Variants in MARCHF1 observed in about 807,000 individuals in gnomAD.
MARCHF1 encodes membrane associated ring-CH-type finger 1.
MARCHF1 carries 40 observed loss-of-function variants against 54.2 expected under a neutral mutation model. The ratio of observed to expected loss-of-function variants is 0.74; its 90% CI spans 0.57 to 0.96. The LOEUF is 0.96. Ranked by LOEUF, MARCHF1 falls within the 40% of genes least tolerant of loss-of-function variation. MARCHF1 has a pLI of 0.00. For synonymous variants in MARCHF1, 236 were observed against 236.3 expected (o/e 1.00, Z 0.01); for missense variants, 586 against 656.5 (o/e 0.89, Z 1.17).
chr4:163,893,140 TA>T, intron 3 of MARCHF1, among the ~76,000 whole-genome samples: 1 of 149,874 alleles, frequency 6.7e-6, no homozygotes, highest in South Asian at 2.1e-4. Context: ...TTACATACTT[TA>T]AAAAAAATTT....
intron 4 of MARCHF1, among the ~76,000 whole-genome samples, chr4:163,850,337 G>A (rs760983269): frequency 2.0e-5 from 3 of 152,176 alleles, no homozygotes; most frequent in Non-Finnish European, 1.5e-5. Flanking sequence ...GTTTTGAGGG[G>A]CTTGTCCTCT....
chr4:163,720,174 G>C (rs532598276), intron 4 of MARCHF1, among the ~76,000 whole-genome samples: 20 of 152,334 alleles, frequency 1.3e-4, no homozygotes, highest in African/African-American at 3.8e-4. Flanking sequence ...TAACATTTAA[G>C]TCTTTAATCC....
chr4:163,963,020 T>C (rs1400150591), intron 3 of MARCHF1, among the ~76,000 whole-genome samples: 1 of 151,916 alleles, frequency 6.6e-6, no homozygotes, highest in East Asian at 1.9e-4. Context: ...ACTACATTTC[T>C]CTACAGAACC....
chr4:163,542,358 T>C (rs1207205496), intron 9 of MARCHF1, among the ~76,000 whole-genome samples: 1 of 152,158 alleles, frequency 6.6e-6, no homozygotes, highest in African/African-American at 2.4e-5. Context: ...GGAGATGTAG[T>C]GGTGAGCAGG....
intron 1 of MARCHF1, among the ~76,000 whole-genome samples, chr4:164,336,837 GT>G (rs1393932429): frequency 6.6e-6 from 1 of 152,168 alleles, no homozygotes; most frequent in East Asian, 1.9e-4. Flanking sequence ...TCTCCTACAA[GT>G]TAGCAACAAA....
At chr4:163,853,420 T>C (rs1287423927) in intron 4 of MARCHF1, among the ~76,000 whole-genome samples, 1 of 152,206 alleles carries the variant, frequency 6.6e-6, no homozygotes, top group Non-Finnish European at 1.5e-5. Flanking sequence ...AAATTCCTTT[T>C]GCTAATGAGT....
intron 1 of MARCHF1, among the ~76,000 whole-genome samples, chr4:164,263,802 C>G (rs1733533145): frequency 6.6e-6 from 1 of 152,112 alleles, no homozygotes; most frequent in Admixed American, 6.5e-5. Flanking sequence ...GAGATACCAT[C>G]TCACACCAGT....
At chr4:164,298,621 T>C (rs1734472626) in intron 1 of MARCHF1, among the ~76,000 whole-genome samples, 1 of 152,102 alleles carries the variant, frequency 6.6e-6, no homozygotes, top group African/African-American at 2.4e-5. Context: ...CTTTCAGATT[T>C]GTTTTCTACA....
At chr4:163,959,217 G>A (rs1158018629) in intron 3 of MARCHF1, among the ~76,000 whole-genome samples, 2 of 151,786 alleles carry the variant, frequency 1.3e-5, no homozygotes, top group East Asian at 3.9e-4. Flanking sequence ...AAAATTCAGA[G>A]TAGTTCATTA....
intron 2 of MARCHF1, among the ~76,000 whole-genome samples, chr4:164,063,681 T>G (rs1754667922): frequency 6.6e-6 from 1 of 152,244 alleles, no homozygotes; most frequent in South Asian, 2.1e-4. Context: ...TTCATTGTGC[T>G]TGAATTTTTT....
intron 2 of MARCHF1, among the ~76,000 whole-genome samples, chr4:163,995,094 C>T (rs1205554003): frequency 6.6e-6 from 1 of 151,948 alleles, no homozygotes; most frequent in African/African-American, 2.4e-5. Context: ...CTCAGTCTCA[C>T]CAGACTGTCC....
chr4:163,967,994 T>C (rs1478017688), intron 3 of MARCHF1, among the ~76,000 whole-genome samples: 1 of 152,098 alleles, frequency 6.6e-6, no homozygotes, highest in South Asian at 2.1e-4. Flanking sequence ...CAAAACCATC[T>C]TCTAAAATCA....
At position 164,326,445 on chromosome 4, in the gene MARCHF1, A is replaced by G. The variant is rs182757867; in HGVS notation, c.-323+57425T>C. Among the ~76,000 whole-genome samples, 55 of 152,370 alleles carry G rather than the reference A, an allele frequency of 3.6e-4. 4 individuals are homozygous for G. In the East Asian group the frequency reaches 4.8e-3, roughly 13 times the overall value. On this transcript the variant is annotated intron_variant, in intron 1 of 9. Transcript: ENST00000514618. ...GGATTAATTGGATACCAAGAGAGAT[A>G]CAGGTAATCATCAAAACAGGAAGAG...
chr4:163,893,148 A>T (rs4621387), intron 3 of MARCHF1, among the ~76,000 whole-genome samples: 74,205 of 151,340 alleles, frequency 0.49, 18,746 homozygotes, highest in Non-Finnish European at 0.55. Context: ...TTTAAAAAAA[A>T]TTTTTTTTTG....
chr4:163,968,470 A>G (rs1752486356), intron 3 of MARCHF1, among the ~76,000 whole-genome samples: 1 of 152,188 alleles, frequency 6.6e-6, no homozygotes, highest in African/African-American at 2.4e-5. Flanking sequence ...GTCTTTCTCG[A>G]AAACTCAGAA....
At chr4:164,003,343 A>G (rs1435901721) in intron 2 of MARCHF1, among the ~76,000 whole-genome samples, 2 of 152,106 alleles carry the variant, frequency 1.3e-5, no homozygotes, top group Non-Finnish European at 2.9e-5. Context: ...AAAGTCTTAC[A>G]CTTATATTAA....
chr4:164,363,789 G>C (rs1028845074), intron 1 of MARCHF1, among the ~76,000 whole-genome samples: 1 of 151,970 alleles, frequency 6.6e-6, no homozygotes, highest in Non-Finnish European at 1.5e-5. Flanking sequence ...GTGTGTCTGT[G>C]TTCTTACATA....
intron 1 of MARCHF1, among the ~76,000 whole-genome samples, chr4:164,206,538 A>C (rs1205414443): frequency 1.3e-5 from 2 of 152,160 alleles, no homozygotes; most frequent in African/African-American, 4.8e-5. Flanking sequence ...GTTCCAAAAA[A>C]CTTGTTCATT....
chr4:164,167,585 G>C (rs996275433), intron 1 of MARCHF1, among the ~76,000 whole-genome samples: 1 of 151,442 alleles, frequency 6.6e-6, no homozygotes, highest in African/African-American at 2.4e-5. Context: ...AAGACACAAA[G>C]GCCAATAGAA....
Sources: allele counts gnomAD v4.1 joint callset (sites outside exome capture counted in the v4.1 genomes callset), GRCh38; gene constraint gnomAD v4.1.1; transcripts MANE v1.5; gene names NCBI Gene and HGNC (gene_info 2026-07-23, HGNC 2026-07-21).